The following TBC1D19 variants were observed in gnomAD, a reference collection of about 807,000 sequenced individuals.
The protein encoded by TBC1D19 is TBC1 domain family member 19, also known as TBC1 domain family, member 19.
Under a neutral mutation model 89.0 loss-of-function variants are expected in TBC1D19, and 60 were observed. That is an observed-to-expected ratio of 0.67 (90% CI 0.55 to 0.84). TBC1D19 has a LOEUF of 0.84. TBC1D19 is among the 40% of genes least tolerant of loss of function. TBC1D19 has a pLI of 0.00. For synonymous variants in TBC1D19, 189 were observed against 199.7 expected, an observed-to-expected ratio of 0.95 and a Z score of 0.45; for missense variants, 500 against 610.8, an observed-to-expected ratio of 0.82 and a Z score of 1.91.
Position 26,620,606 on chromosome 4 carries a change from C to T in TBC1D19, c.219-7C>T. Reference sequence around the variant, plus strand: ...TGTGATATTTAGCTGCCTCTTTTTGCTCCTAGGTTTCCTTTACCTAGTCAT... The same window carrying T: ...TGTGATATTTAGCTGCCTCTTTTTGTTCCTAGGTTTCCTTTACCTAGTCAT... On this transcript the variant is annotated splice_polypyrimidine_tract_variant and splice_region_variant and intron_variant, in intron 3 of 20. Transcript: ENST00000264866. 2 of 1,612,248 alleles carry T rather than the reference C, an allele frequency of 1.2e-6. No individual in the cohort carries two copies. The highest frequency in any genetic ancestry group is 8.5e-7 in the Non-Finnish European group (1 of 1,179,144).
At chr4:26,674,831 A>G (rs1186797295) in intron 11 of TBC1D19, among the ~76,000 whole-genome samples, 1 of 152,016 alleles carries the variant, frequency 6.6e-6, no homozygotes, top group African/African-American at 2.4e-5. Flanking sequence ...ATCATGTTAT[A>G]AATTAATTAT....
chr4:26,853,208 T>C, the TBC1D19 span, among the ~76,000 whole-genome samples: 4 of 152,210 alleles, frequency 2.6e-5, no homozygotes, highest in Non-Finnish European at 5.9e-5. Context: ...GCTAGATCGA[T>C]CTCACTGGTA....
intron 13 of TBC1D19, among the ~76,000 whole-genome samples, chr4:26,710,555 G>A (rs28854217): frequency 0.032 from 4,849 of 152,206 alleles, 254 homozygotes; most frequent in African/African-American, 0.11. Context: ...CCAGTAATGG[G>A]ATGGCTGGGT....
chr4:26,620,212 C>T (rs1741953364), intron 3 of TBC1D19, among the ~76,000 whole-genome samples: 1 of 152,140 alleles, frequency 6.6e-6, no homozygotes, highest in African/African-American at 2.4e-5. Context: ...ATGGTTGGCT[C>T]CTTCACACTC....
chr4:26,792,620 G>T, the TBC1D19 span, among the ~76,000 whole-genome samples: 2 of 152,252 alleles, frequency 1.3e-5, no homozygotes, highest in East Asian at 3.9e-4. Context: ...GTAAGCATAC[G>T]ATTTCTTTGA....
intron 1 of TBC1D19, among the ~76,000 whole-genome samples, chr4:26,592,230 CA>C (rs1739864033): frequency 6.6e-6 from 1 of 152,166 alleles, no homozygotes; most frequent in Non-Finnish European, 1.5e-5. Flanking sequence ...GAATCAATGA[CA>C]AAAACCACAT....
chr4:26,655,840 C>T (rs1001308051), intron 7 of TBC1D19, among the ~76,000 whole-genome samples: 39 of 152,314 alleles, frequency 2.6e-4, no homozygotes, highest in African/African-American at 9.4e-4. Flanking sequence ...AATGCCTCGC[C>T]CTGCTTCAGC....
At chr4:26,748,911 T>C (rs931698799) in intron 19 of TBC1D19, among the ~76,000 whole-genome samples, 1 of 152,186 alleles carries the variant, frequency 6.6e-6, no homozygotes, top group Non-Finnish European at 1.5e-5. Flanking sequence ...CTATGCCCCA[T>C]CTCAACACCT....
At chr4:26,607,107 G>A (rs139203206) in intron 1 of TBC1D19, among the ~76,000 whole-genome samples, 44 of 152,256 alleles carry the variant, frequency 2.9e-4, no homozygotes, top group African/African-American at 1.0e-3. Context: ...GAGGATGTCA[G>A]AATCAGCATA....
At position 26,597,684 on chromosome 4, in the gene TBC1D19, CT is replaced by C. The variant is rs1225617406; in HGVS notation, c.99+13396del. On this transcript the variant is annotated intron_variant, in intron 1 of 20. Transcript: ENST00000264866. ...TGGCCTTTGTATTTTTTTAAATAGT[CT>C]TTTAATTGTATAGTCTATTTACATT... Among the ~76,000 whole-genome samples, 5 of 151,776 alleles carry C rather than the reference CT, an allele frequency of 3.3e-5. No homozygotes were observed. The East Asian group carries it at 9.7e-4, about 29-fold the overall frequency.
intron 10 of TBC1D19, among the ~76,000 whole-genome samples, chr4:26,672,822 G>A (rs1218094124): frequency 6.6e-6 from 1 of 151,724 alleles, no homozygotes; most frequent in African/African-American, 2.4e-5. Flanking sequence ...TATTTATTTA[G>A]AATTTATTTG....
At chr4:26,653,005 A>G (rs889849090) in intron 7 of TBC1D19, among the ~76,000 whole-genome samples, 1 of 152,210 alleles carries the variant, frequency 6.6e-6, no homozygotes, top group African/African-American at 2.4e-5. Flanking sequence ...GTGGGCATTT[A>G]GTTCCATAAA....
Position 26,584,120 on chromosome 4 carries a change from G to C in TBC1D19, c.-74G>C. On this transcript the variant is annotated 5_prime_UTR_variant, in exon 1 of 21. Transcript: ENST00000264866. ...GTCCCGGAGAAGTGTCACTGGCCCTGAGTGGGACCCGGTAGCCCGTTCGCT... is the reference window on the plus strand; with the variant it reads ...GTCCCGGAGAAGTGTCACTGGCCCTCAGTGGGACCCGGTAGCCCGTTCGCT... The C allele has an allele frequency of 6.8e-7, 1 of 1,469,886 alleles. No individual in the cohort carries two copies. The highest frequency in any genetic ancestry group is 2.4e-5 in the East Asian group (1 of 42,402). 91.1% of individuals were successfully genotyped at this position (1,469,886 alleles called of 1,614,324 possible).
intron 7 of TBC1D19, among the ~76,000 whole-genome samples, chr4:26,656,704 G>A (rs1480132784): frequency 1.3e-5 from 2 of 151,780 alleles, no homozygotes; most frequent in East Asian, 3.9e-4. Flanking sequence ...AACTACAGGA[G>A]CACACCACCA....
chr4:26,713,833 A>G lies in TBC1D19; in HGVS notation c.955-4100A>G, dbSNP rs531765788. Among the ~76,000 whole-genome samples, 12 of 152,162 alleles carry G rather than the reference A, an allele frequency of 7.9e-5. No homozygotes were observed. The East Asian group carries it at 1.7e-3, about 22-fold the overall frequency. On this transcript the variant is annotated intron_variant, in intron 13 of 20. Coordinates refer to ENST00000264866, the MANE Select transcript of TBC1D19 (RefSeq NM_018317.4). ...AAATATACAGCCAAATAGCCATCAC[A>G]TTTTTCAATGTGTATACTCTCTGAC...
At chr4:26,638,136 C>T (rs1293276808) in intron 5 of TBC1D19, among the ~76,000 whole-genome samples, 2 of 148,382 alleles carry the variant, frequency 1.3e-5, no homozygotes, top group Non-Finnish European at 2.9e-5. Flanking sequence ...AAAGAAAAAA[C>T]ACTTGAGGGA....
At chr4:26,590,534 A>T (rs1426056773) in intron 1 of TBC1D19, among the ~76,000 whole-genome samples, 1 of 152,020 alleles carries the variant, frequency 6.6e-6, no homozygotes, top group African/African-American at 2.4e-5. Context: ...GTTATTTTTT[A>T]AATGTTTGGA....
intron 7 of TBC1D19, among the ~76,000 whole-genome samples, chr4:26,649,662 C>T (rs1744197206): frequency 6.6e-6 from 1 of 151,850 alleles, no homozygotes; most frequent in Middle Eastern, 3.4e-3. Flanking sequence ...ACTTAGCCTA[C>T]TGTTTTCAAG....
rs189868626 is a variant in TBC1D19, at chr4:26,590,979, C to T, written c.99+6687C>T. Among the ~76,000 whole-genome samples, 3 of 150,992 alleles carry T rather than the reference C, an allele frequency of 2.0e-5. No individual in the cohort carries two copies. In the East Asian group the frequency reaches 5.8e-4, roughly 29 times the overall value. On this transcript the variant is annotated intron_variant, in intron 1 of 20. Transcript: ENST00000264866. ...GTGGGTTTTGACAAATACATGGTGTCCTGTATTTATGTATTCACAATTCCA... is the reference window on the plus strand; with the variant it reads ...GTGGGTTTTGACAAATACATGGTGTTCTGTATTTATGTATTCACAATTCCA...
Sources: gnomAD v4.1 joint callset for allele counts (sites outside exome capture counted in the v4.1 genomes callset) on GRCh38, gnomAD v4.1.1 for gene constraint, MANE v1.5 for transcripts, NCBI Gene and HGNC (gene_info 2026-07-23, HGNC 2026-07-21) for gene names.